GRHL2: variants seen among roughly 807,000 people sequenced by gnomAD.
GRHL2 encodes the protein grainyhead like transcription factor 2.
Under a neutral mutation model 83.8 loss-of-function variants are expected in GRHL2, and 21 were observed. That is an observed-to-expected ratio of 0.25 (90% CI 0.18 to 0.36). The LOEUF is 0.36. Among genes scored for constraint, GRHL2 ranks in the 10% least tolerant of loss-of-function variants. GRHL2 has a pLI of 1.00. For synonymous variants in GRHL2, 280 were observed against 278.9 expected, an observed-to-expected ratio of 1.00 and a Z score of -0.04; for missense variants, 623 against 781.8, an observed-to-expected ratio of 0.80 and a Z score of 2.42.
chr8:101,669,254 C>CTTTTTTTTTTTTTTTTTTTTT lies in GRHL2; in HGVS notation c.*2563_*2564insTTTTTTTTTTTTTTTTTTTTT, dbSNP rs71276995. On this transcript the variant is annotated 3_prime_UTR_variant, in exon 16 of 16. Coordinates refer to ENST00000646743, the MANE Select transcript of GRHL2 (RefSeq NM_024915.4). ...GGACATGTGAAATGAGCATTTTTTT[C>CTTTTTTTTTTTTTTTTTTTTT]TTTTTTTTTTTTAACAAAGTCTGAA... 8.7e-5 allele frequency: 11 copies of CTTTTTTTTTTTTTTTTTTTTT among 126,618 alleles called. 1 individual carries two copies. The highest frequency in any genetic ancestry group is 9.8e-5 in the Non-Finnish European group (6 of 61,438). The allele number at this position is 126,618 out of a possible 1,614,324, so 7.8% of individuals were successfully genotyped here. A position where few individuals can be genotyped will look rare whatever the true frequency, so the allele number is the denominator to read the frequency against.
At chr8:101,614,384 G>T (rs149064459) in intron 8 of GRHL2, among the ~76,000 whole-genome samples, 1 of 151,152 alleles carries the variant, frequency 6.6e-6, no homozygotes, top group East Asian at 1.9e-4. Flanking sequence ...CTGATCTAAT[G>T]AATTCTTTCT....
intron 14 of GRHL2, among the ~76,000 whole-genome samples, chr8:101,658,307 G>A (rs74903437): frequency 2.6e-5 from 4 of 152,156 alleles, no homozygotes; most frequent in African/African-American, 9.7e-5. Flanking sequence ...TTCTCTAGCA[G>A]TTGAGAATCT....
intron 9 of GRHL2, among the ~76,000 whole-genome samples, chr8:101,621,788 C>T (rs1812970875): frequency 1.3e-5 from 2 of 152,028 alleles, no homozygotes; most frequent in African/African-American, 4.8e-5. Flanking sequence ...GTTCTAGGTA[C>T]TCAGGAGGCT....
At chr8:101,654,033 T>C (rs776503410) in intron 14 of GRHL2, among the ~76,000 whole-genome samples, 2 of 152,228 alleles carry the variant, frequency 1.3e-5, no homozygotes, top group Non-Finnish European at 2.9e-5. Context: ...AACCAAGACG[T>C]GGCCCTACAG....
At chr8:101,629,852 A>C (rs746423443) in intron 9 of GRHL2, among the ~76,000 whole-genome samples, 3 of 152,142 alleles carry the variant, frequency 2.0e-5, no homozygotes, top group Non-Finnish European at 2.9e-5. Flanking sequence ...GTTTTCTAGC[A>C]CAAAACTGTA....
intron 14 of GRHL2, among the ~76,000 whole-genome samples, chr8:101,651,333 G>A (rs1462297303): frequency 6.6e-6 from 1 of 152,220 alleles, no homozygotes; most frequent in East Asian, 1.9e-4. Context: ...TTCAACTCTA[G>A]AGATTCTGAT....
At chr8:101,609,885 G>A (rs1288419792) in intron 8 of GRHL2, among the ~76,000 whole-genome samples, 2 of 150,994 alleles carry the variant, frequency 1.3e-5, no homozygotes, top group Non-Finnish European at 2.9e-5. Context: ...CCATATTCAG[G>A]TGTTAAAAAC....
At chr8:101,538,493 G>A (rs1263961202) in intron 1 of GRHL2, among the ~76,000 whole-genome samples, 1 of 152,286 alleles carries the variant, frequency 6.6e-6, no homozygotes, top group African/African-American at 2.4e-5. Context: ...TTGCTCTGGC[G>A]ATCCCCAAAA....
chr8:101,605,529 C>T (rs1013189596), intron 8 of GRHL2, among the ~76,000 whole-genome samples: 1 of 152,190 alleles, frequency 6.6e-6, no homozygotes, highest in Non-Finnish European at 1.5e-5. Flanking sequence ...TTGAGCAAAG[C>T]CGTTCAATCA....
chr8:101,563,127 T>A (rs976471190), intron 4 of GRHL2, among the ~76,000 whole-genome samples: 1 of 152,168 alleles, frequency 6.6e-6, no homozygotes, highest in African/African-American at 2.4e-5. Context: ...ATATTCTAAA[T>A]GAGGAAACTG....
At chr8:101,494,737 A>G (rs1014960300) in intron 1 of GRHL2, among the ~76,000 whole-genome samples, 1 of 152,238 alleles carries the variant, frequency 6.6e-6, no homozygotes, top group Non-Finnish European at 1.5e-5. Flanking sequence ...CACCAGTTAT[A>G]CTTAGCAGCA....
Position 101,612,544 on chromosome 8 carries a change from CATACATACATAG to C in GRHL2, c.1099-6991_1099-6980del, listed in dbSNP as rs1812774778. ...AGATACATACATACATACATACATA[CATACATACATAG>C]ATATTGATGAAGATATTCATGCTGA... On this transcript the variant is annotated intron_variant, in intron 8 of 15. Transcript: ENST00000646743. 3.7e-5 allele frequency among the ~76,000 whole-genome samples: 5 copies of C among 135,870 alleles called. 1 individual carries two copies. Among genetic ancestry groups the C allele is most frequent in the African/African-American group, 1.4e-4 (5 of 35,428 alleles). 89.1% of individuals were successfully genotyped at this position (135,870 alleles called of 152,430 possible). A position where few individuals can be genotyped will look rare whatever the true frequency, so the allele number is the denominator to read the frequency against.
At chr8:101,605,941 A>G (rs1363789149) in intron 8 of GRHL2, among the ~76,000 whole-genome samples, 1 of 152,102 alleles carries the variant, frequency 6.6e-6, no homozygotes, top group African/African-American at 2.4e-5. Flanking sequence ...TTTCATTTTT[A>G]TTCATTTACA....
intron 14 of GRHL2, among the ~76,000 whole-genome samples, chr8:101,657,051 C>CT (rs1401827590): frequency 2.0e-5 from 3 of 151,202 alleles, no homozygotes; most frequent in Non-Finnish European, 4.4e-5. Context: ...GCCTTAGTAG[C>CT]ACCCAGTTTT....
intron 8 of GRHL2, among the ~76,000 whole-genome samples, chr8:101,614,142 G>C (rs1812808906): frequency 6.6e-6 from 1 of 150,920 alleles, no homozygotes; most frequent in South Asian, 2.1e-4. Flanking sequence ...TATGCATAAT[G>C]TACAACTGAG....
At chr8:101,543,102 C>T (rs1811188862) in intron 1 of GRHL2, 139 bp from the exon 2 acceptor site, 2 of 737,034 alleles carry the variant, frequency 2.7e-6, no homozygotes, top group Non-Finnish European at 4.8e-6. Context: ...GTCACTTTAA[C>T]TTTAAACTTC....
At chr8:101,584,815 G>C (rs554853797) in intron 7 of GRHL2, among the ~76,000 whole-genome samples, 10 of 151,818 alleles carry the variant, frequency 6.6e-5, no homozygotes, top group Non-Finnish European at 1.0e-4. Flanking sequence ...AGGTGGCTAG[G>C]TGGTCAGGTG....
At chr8:101,614,558 A>G (rs189211595) in intron 8 of GRHL2, among the ~76,000 whole-genome samples, 1 of 143,064 alleles carries the variant, frequency 7.0e-6, no homozygotes, top group East Asian at 1.9e-4. Flanking sequence ...CGAAGTGAAA[A>G]ATAACTTTCT....
chr8:101,590,772 A>C (rs560263856), intron 7 of GRHL2, among the ~76,000 whole-genome samples: 115 of 152,250 alleles, frequency 7.6e-4, no homozygotes, highest in African/African-American at 2.6e-3. Context: ...CTTTTGTTAA[A>C]AGCATCTTAT....
Sources: allele counts gnomAD v4.1 joint callset (sites outside exome capture counted in the v4.1 genomes callset), GRCh38; gene constraint gnomAD v4.1.1; transcripts MANE v1.5; gene names NCBI Gene and HGNC (gene_info 2026-07-23, HGNC 2026-07-21).